TMEM52B: variants seen among roughly 807,000 people sequenced by gnomAD.
TMEM52B encodes the protein chromosome 12 open reading frame 59.
TMEM52B carries 11 observed loss-of-function variants against 16.1 expected under a neutral mutation model. The ratio of observed to expected loss-of-function variants is 0.68; its 90% CI spans 0.43 to 1.13. TMEM52B has a LOEUF of 1.13. Among genes scored for constraint, TMEM52B ranks in the 50% most tolerant of loss-of-function variants. TMEM52B has a pLI of 0.00. For synonymous variants in TMEM52B, 101 were observed against 93.8 expected (o/e 1.08, Z -0.45); for missense variants, 243 against 230.4 (o/e 1.05, Z -0.35).
intron 4 of TMEM52B, among the ~76,000 whole-genome samples, chr12:10,189,584 T>G (rs574752593): frequency 7.0e-6 from 1 of 142,888 alleles, no homozygotes; most frequent in South Asian, 2.2e-4. Flanking sequence ...AGATCCACCA[T>G]TGCACTCCAG....
intron 2 of TMEM52B, among the ~76,000 whole-genome samples, chr12:10,183,958 C>A (rs1210225469): frequency 6.6e-6 from 1 of 152,128 alleles, no homozygotes; most frequent in Admixed American, 6.5e-5. Flanking sequence ...TGGCTGGCAG[C>A]CCCTAGGTAG....
chr12:10,171,257 A>G (rs1048386504), intron 1 of TMEM52B, among the ~76,000 whole-genome samples: 2 of 152,320 alleles, frequency 1.3e-5, no homozygotes, highest in Admixed American at 6.5e-5. Flanking sequence ...AATTTCTGAC[A>G]ATACTTGTCT....
chr12:10,172,072 A>C (rs778379096), intron 1 of TMEM52B: 1 of 1,613,046 alleles, frequency 6.2e-7, no homozygotes, highest in African/African-American at 1.3e-5. Flanking sequence ...GGTCATCAAA[A>C]GTCATTTCCA....
At chr12:10,174,610 G>T (rs1301309222), upstream of TMEM52B, among the ~76,000 whole-genome samples, 1 of 152,122 alleles carries the variant, frequency 6.6e-6, no homozygotes, top group Admixed American at 6.5e-5. Context: ...GAGTCTGGCA[G>T]CCCACACTCC....
chr12:10,173,046 T>C (rs1050983648), intron 1 of TMEM52B, among the ~76,000 whole-genome samples: 2 of 152,180 alleles, frequency 1.3e-5, no homozygotes, highest in Non-Finnish European at 2.9e-5. Flanking sequence ...TAATAATTAT[T>C]AGTATAGTAC....
chr12:10,173,282 G>T (rs1290043916), intron 1 of TMEM52B, among the ~76,000 whole-genome samples: 1 of 151,446 alleles, frequency 6.6e-6, no homozygotes, highest in Non-Finnish European at 1.5e-5. Context: ...ATGATATCTG[G>T]CATTTACTTT....
intron 1 of TMEM52B, chr12:10,172,211 GGAA>G (rs1948728689): frequency 4.8e-6 from 3 of 627,292 alleles, no homozygotes; most frequent in Admixed American, 5.4e-5. Flanking sequence ...ATTGGTAGGA[GGAA>G]GGAGAGGCTT....
Position 10,173,555 on chromosome 12 carries a change from G to A in TMEM52B, c.-95+2704G>A, listed in dbSNP as rs376318374. Among the ~76,000 whole-genome samples the A allele has an allele frequency of 4.6e-5, 7 of 151,828 alleles. No homozygotes were observed. The South Asian group carries it at 1.0e-3, about 23-fold the overall frequency. On this transcript the variant is annotated intron_variant, in intron 1 of 5. Transcript: ENST00000381923. The stretch of plus-strand genomic sequence containing the variant: ...AGCACTTTGGGAAGCTGAGGGGGGG[G>A]GTGGATCACTGAGGTCAGGAGTTCG...
At chr12:10,176,670 G>T (rs990045249), upstream of TMEM52B, among the ~76,000 whole-genome samples, 14 of 152,202 alleles carry the variant, frequency 9.2e-5, no homozygotes, top group African/African-American at 2.9e-4. Flanking sequence ...GTAAACTTTA[G>T]TGAAAATCAA....
chr12:10,186,739 A>G, intron 4 of TMEM52B, 150 bp downstream of exon 4: 3 of 772,806 alleles, frequency 3.9e-6, no homozygotes, highest in Non-Finnish European at 5.5e-6. Context: ...TGGTGCAGTG[A>G]CCTGGGCTGT....
chr12:10,176,112 T>A (rs1252153753), upstream of TMEM52B, among the ~76,000 whole-genome samples: 2 of 152,216 alleles, frequency 1.3e-5, no homozygotes, highest in African/African-American at 4.8e-5. Context: ...TTTCCCTCTA[T>A]CCCAGCTACC....
intron 1 of TMEM52B, among the ~76,000 whole-genome samples, chr12:10,173,954 C>CATCA (rs1565424278): frequency 5.9e-5 from 9 of 152,200 alleles, no homozygotes; most frequent in Middle Eastern, 3.4e-3. Flanking sequence ...GTTGTGCAGC[C>CATCA]ATCACCACCA....
Position 10,182,042 on chromosome 12 carries a change from A to C in TMEM52B, c.55-508A>C, listed in dbSNP as rs920889334. 81 of 436,060 alleles carry C rather than the reference A, an allele frequency of 1.9e-4. No homozygotes were observed. The African/African-American group carries it at 2.4e-3, about 13-fold the overall frequency. 27.0% of individuals were successfully genotyped at this position (436,060 alleles called of 1,614,324 possible). ...ACTCAAAAAAAAAAAAAAAAAAAACAAAAAAAAAAAACTTGTTAGCAGTCT... is the reference window on the plus strand; with the variant it reads ...ACTCAAAAAAAAAAAAAAAAAAAACCAAAAAAAAAAACTTGTTAGCAGTCT... On this transcript the variant is annotated intron_variant, in intron 1 of 4. Coordinates refer to ENST00000543484, the MANE Select transcript of TMEM52B (RefSeq NM_001384896.1).
chr12:10,190,587 C>G lies in TMEM52B; in HGVS notation c.*447C>G, dbSNP rs12828595. On this transcript the variant is annotated 3_prime_UTR_variant, in exon 5 of 5. Transcript: ENST00000543484. ...AATGCATGCATCTTTCCTCCTGAGA[C>G]AGCAATCGATTTTACACCGAATGAC... 2,473 of 189,846 alleles carry G rather than the reference C, an allele frequency of 0.013. 33 individuals carry two copies. The highest frequency in any genetic ancestry group is 0.028 in the Middle Eastern group (11 of 394). The allele number at this position is 189,846 out of a possible 1,614,324, so 11.8% of individuals were successfully genotyped here. A position where few individuals can be genotyped will look rare whatever the true frequency, so the allele number is the denominator to read the frequency against.
Position 10,186,506 on chromosome 12 carries a change from A to G in TMEM52B, c.224A>G (p.Asn75Ser), listed in dbSNP as rs773828642. The change falls in exon 4 of 5, where the codon AAT becomes AGT. Residue 75 changes from asparagine to serine, a missense_variant. Transcript: ENST00000543484. ...TGCTGCTGTCTGAGCCGCCAGCAAAATGGGGAAGATGGGGGCCCACCACCC... is the reference window on the plus strand; with the variant it reads ...TGCTGCTGTCTGAGCCGCCAGCAAAGTGGGGAAGATGGGGGCCCACCACCC... Reference protein sequence around the residue: ...FRCCCLSRQQNGEDGGPPPCE... With the variant: ...FRCCCLSRQQSGEDGGPPPCE... 1 of 1,609,920 alleles carries G rather than the reference A, an allele frequency of 6.2e-7. No homozygotes were observed. Among genetic ancestry groups the G allele is most frequent in the South Asian group, 1.1e-5 (1 of 90,742 alleles).
chr12:10,174,005 A>G (rs1387879245), intron 1 of TMEM52B, among the ~76,000 whole-genome samples: 1 of 152,116 alleles, frequency 6.6e-6, no homozygotes, highest in Non-Finnish European at 1.5e-5. Context: ...CTGAAACTCT[A>G]TACCCACCAA....
intron 2 of TMEM52B, among the ~76,000 whole-genome samples, chr12:10,183,685 A>C (rs1434756831): frequency 6.6e-6 from 1 of 152,126 alleles, no homozygotes; most frequent in Non-Finnish European, 1.5e-5. Context: ...TTACAGAGAA[A>C]ATTTACAATT....
At chr12:10,171,724 C>G (rs1948719895) in intron 1 of TMEM52B, among the ~76,000 whole-genome samples, 1 of 152,120 alleles carries the variant, frequency 6.6e-6, no homozygotes, top group South Asian at 2.1e-4. Flanking sequence ...GTAATAGTAC[C>G]AATCTCAAAA....
chr12:10,183,045 A>G (rs73262620), intron 2 of TMEM52B, among the ~76,000 whole-genome samples: 2,847 of 152,302 alleles, frequency 0.019, 82 homozygotes, highest in African/African-American at 0.065. Context: ...TTTAGCTATC[A>G]CTTTGATGTA....
Sources: allele counts gnomAD v4.1 joint callset (sites outside exome capture counted in the v4.1 genomes callset), GRCh38; gene constraint gnomAD v4.1.1; transcripts MANE v1.5; gene names NCBI Gene and HGNC (gene_info 2026-07-23, HGNC 2026-07-21).